ASIC2: variants seen among roughly 807,000 people sequenced by gnomAD.
ASIC2 encodes acid sensing ion channel subunit 2.
A neutral mutation model predicts 57.3 loss-of-function variants in ASIC2; 25 were observed. The observed-to-expected ratio is 0.44, with a 90% CI of 0.32 to 0.61. The LOEUF (loss-of-function observed/expected upper bound fraction) is 0.61, where lower values mean the gene tolerates loss of function less well. ASIC2 is among the 20% of genes least tolerant of loss of function. The pLI, the probability that ASIC2 is intolerant of heterozygous loss-of-function variation, is 0.06. For missense variants in ASIC2, 641 were observed against 738.1 expected, an observed-to-expected ratio of 0.87 and a Z score of 1.52; for synonymous variants, 319 against 307.5, an observed-to-expected ratio of 1.04 and a Z score of -0.39.
intron 1 of ASIC2, among the ~76,000 whole-genome samples, chr17:33,445,421 ACT>A (rs1291039188): frequency 2.6e-5 from 4 of 152,150 alleles, no homozygotes; most frequent in Admixed American, 1.3e-4. Context: ...ACAGAACGAG[ACT>A]CTGTCTCTAA....
At chr17:33,834,343 A>G (rs1333536884) in intron 1 of ASIC2, 1 of 152,220 alleles carries the variant, frequency 6.6e-6, no homozygotes, top group Non-Finnish European at 1.5e-5. Context: ...TTCCCACTCT[A>G]AACACATTCC....
intron 1 of ASIC2, among the ~76,000 whole-genome samples, chr17:34,125,202 G>A (rs1433897688): frequency 1.3e-5 from 2 of 151,916 alleles, no homozygotes; most frequent in Admixed American, 6.6e-5. Flanking sequence ...TGTATGCCCA[G>A]TGTCTGCCCC....
chr17:33,625,140 T>C (rs1000129992), intron 1 of ASIC2, among the ~76,000 whole-genome samples: 7 of 150,440 alleles, frequency 4.7e-5, no homozygotes, highest in Non-Finnish European at 5.9e-5. Flanking sequence ...TCTATCTATC[T>C]ATCTATCTAT....
At chr17:33,512,048 C>G (rs1914445012) in intron 1 of ASIC2, among the ~76,000 whole-genome samples, 1 of 152,126 alleles carries the variant, frequency 6.6e-6, no homozygotes, top group Admixed American at 6.5e-5. Flanking sequence ...TTTCAGCGTC[C>G]TGTGTAAAAG....
rs190214443 is a variant in ASIC2, at chr17:33,277,577, T to C, written c.708+13831A>G. Among the ~76,000 whole-genome samples, 5 of 152,228 alleles carry C rather than the reference T, an allele frequency of 3.3e-5. No homozygotes were observed. The East Asian group carries it at 9.7e-4, about 29-fold the overall frequency. On this transcript the variant is annotated intron_variant, in intron 1 of 9. Coordinates refer to ENST00000225823, the MANE Select transcript of ASIC2 (RefSeq NM_183377.2). ...CAACCAGCCATCCTGACCTAACGTT[T>C]TGGAGGCTGAATGAGGAAACTCTAT...
intron 1 of ASIC2, among the ~76,000 whole-genome samples, chr17:34,011,060 C>CAGATGCCTCCAG (rs369134452): frequency 6.6e-6 from 1 of 150,448 alleles, no homozygotes; most frequent in African/African-American, 2.4e-5. Flanking sequence ...CACACAGACA[C>CAGATGCCTCCAG]ACACATGCCT....
chr17:33,790,741 A>G (rs954045530), intron 1 of ASIC2, among the ~76,000 whole-genome samples: 1 of 152,040 alleles, frequency 6.6e-6, no homozygotes. Context: ...ATCATCTCTT[A>G]TTGGGTTCTG....
intron 1 of ASIC2, among the ~76,000 whole-genome samples, chr17:33,702,310 G>C (rs554196672): frequency 6.6e-6 from 1 of 152,138 alleles, no homozygotes; most frequent in Admixed American, 6.5e-5. Context: ...GGGGTTAGAG[G>C]GGGGGTATCA....
intron 1 of ASIC2, among the ~76,000 whole-genome samples, chr17:33,387,444 C>CA (rs1567844482): frequency 6.6e-6 from 1 of 152,228 alleles, no homozygotes; most frequent in Non-Finnish European, 1.5e-5. Flanking sequence ...CCTGTACCAA[C>CA]AGAGAAATGG....
intron 1 of ASIC2, among the ~76,000 whole-genome samples, chr17:33,687,029 C>A (rs1039747113): frequency 3.9e-5 from 6 of 152,182 alleles, no homozygotes; most frequent in Non-Finnish European, 7.3e-5. Context: ...AGGTTTAAAT[C>A]TCAGTTTTTC....
chr17:33,983,198 TTTCAGAGAACTTGTTC>T (rs1367032809), intron 1 of ASIC2, among the ~76,000 whole-genome samples: 1 of 152,178 alleles, frequency 6.6e-6, no homozygotes, highest in Non-Finnish European at 1.5e-5. Context: ...TGCCTGGAGA[TTTCAGAGAACTTGTTC>T]CCAGGCTGTG....
At chr17:34,006,114 G>T (rs1906515602) in intron 1 of ASIC2, 1 of 152,274 alleles carries the variant, frequency 6.6e-6, no homozygotes, top group African/African-American at 2.4e-5. Flanking sequence ...CGTGAAGGAT[G>T]CAGTTGGTGC....
intron 1 of ASIC2, among the ~76,000 whole-genome samples, chr17:33,249,735 G>GC (rs923900569): frequency 2.6e-5 from 4 of 152,194 alleles, no homozygotes; most frequent in Non-Finnish European, 5.9e-5. Context: ...GAGCTCCCAG[G>GC]CCCCAAAGCA....
chr17:33,401,735 T>C (rs1004710237), intron 1 of ASIC2, among the ~76,000 whole-genome samples: 1 of 152,196 alleles, frequency 6.6e-6, no homozygotes. Context: ...GAGACAATCC[T>C]GTTTCAACTT....
intron 1 of ASIC2, among the ~76,000 whole-genome samples, chr17:33,183,827 A>G (rs1567776526): frequency 6.6e-6 from 1 of 152,332 alleles, no homozygotes; most frequent in South Asian, 2.1e-4. Context: ...ACTTTGCACC[A>G]TAATAATTGG....
intron 1 of ASIC2, among the ~76,000 whole-genome samples, chr17:33,145,654 T>C (rs1234946912): frequency 2.6e-5 from 4 of 152,242 alleles, no homozygotes; most frequent in African/African-American, 7.2e-5. Context: ...TTAACTTTTT[T>C]TGAATCTCAA....
intron 1 of ASIC2, among the ~76,000 whole-genome samples, chr17:33,415,929 C>T (rs115708902): frequency 0.016 from 2,406 of 152,282 alleles, 32 homozygotes; most frequent in African/African-American, 0.038. Context: ...GAGGCAGTGG[C>T]ATTGAGCTGC....
chr17:33,971,043 C>T lies in ASIC2; in HGVS notation c.555+184935G>A, dbSNP rs1156854091. On this transcript the variant is annotated intron_variant, in intron 1 of 9. Transcript: ENST00000359872. ...GTTGCATTTCTCCTCTGGGCTGCTTCCTCCACTCCCATTTCTTTATGCTTC... is the reference window on the plus strand; with the variant it reads ...GTTGCATTTCTCCTCTGGGCTGCTTTCTCCACTCCCATTTCTTTATGCTTC... Among the ~76,000 whole-genome samples, 3 of 152,314 alleles carry T rather than the reference C, an allele frequency of 2.0e-5. No individual in the cohort carries two copies. In the East Asian group the frequency reaches 5.8e-4, roughly 29 times the overall value.
intron 1 of ASIC2, chr17:34,039,436 A>G (rs546520857): frequency 1.6e-4 from 261 of 1,613,732 alleles, no homozygotes; most frequent in Non-Finnish European, 2.1e-4. Flanking sequence ...GAGGGTTGGC[A>G]GAGCAGACTG....
Sources: gnomAD v4.1 joint callset for allele counts (sites outside exome capture counted in the v4.1 genomes callset) on GRCh38, gnomAD v4.1.1 for gene constraint, MANE v1.5 for transcripts, NCBI Gene and HGNC (gene_info 2026-07-23, HGNC 2026-07-21) for gene names.